The following LRRC56 variants were observed in gnomAD, a reference collection of about 807,000 sequenced individuals.
LRRC56 encodes the protein leucine rich repeat containing 56.
In LRRC56, 41 loss-of-function variants were observed where a neutral mutation model predicts 47.8. The observed-to-expected ratio is 0.86, with a 90% CI of 0.67 to 1.11. The LOEUF is 1.11. LRRC56 is among the 50% of genes most tolerant of loss of function. The pLI is 0.00. For synonymous variants in LRRC56, 387 were observed against 311.2 expected, an observed-to-expected ratio of 1.24 and a Z score of -2.56; for missense variants, 759 against 704.2, an observed-to-expected ratio of 1.08 and a Z score of -0.88.
chr11:525,062 C>T, the LRRC56 span, among the ~76,000 whole-genome samples: 1 of 148,908 alleles, frequency 6.7e-6, no homozygotes. Context: ...CACCGCTGCA[C>T]TCCAGCCTGG....
At chr11:532,503 C>T in the LRRC56 span, 1 of 1,255,308 alleles carries the variant, frequency 8.0e-7, no homozygotes, top group Non-Finnish European at 1.1e-6. Flanking sequence ...CATCCGGCAC[C>T]TCCATGTCCT....
At chr11:533,599 G>T (rs1057517913), upstream of LRRC56, 2 of 1,613,834 alleles carry the variant, frequency 1.2e-6, no homozygotes, top group African/African-American at 2.7e-5. Flanking sequence ...TCCTTCACCC[G>T]TTTGATCTGC....
chr11:506,639 T>G, the LRRC56 span: 1 of 152,302 alleles, frequency 6.6e-6, no homozygotes, highest in Admixed American at 6.5e-5. Flanking sequence ...GTGGGAGCCG[T>G]TCGAGTCTTC....
the LRRC56 span, among the ~76,000 whole-genome samples, chr11:513,588 GT>G: frequency 5.3e-5 from 8 of 152,152 alleles, no homozygotes; most frequent in Non-Finnish European, 1.0e-4. Context: ...GGATTTTCCA[GT>G]TGTGAGAGAA....
chr11:534,957 C>T (rs913965389), upstream of LRRC56, among the ~76,000 whole-genome samples: 2 of 152,250 alleles, frequency 1.3e-5, no homozygotes, highest in Non-Finnish European at 2.9e-5. Flanking sequence ...GAAGCAGGGA[C>T]TGAGCGACAG....
intron 6 of LRRC56, among the ~76,000 whole-genome samples, chr11:545,645 C>A (rs919934160): frequency 1.3e-5 from 2 of 152,202 alleles, no homozygotes; most frequent in Non-Finnish European, 2.9e-5. Context: ...AGCTCCGTGC[C>A]CCACAGCAAC....
chr11:518,902 C>A, the LRRC56 span, among the ~76,000 whole-genome samples: 2 of 150,482 alleles, frequency 1.3e-5, no homozygotes, highest in Non-Finnish European at 3.0e-5. Context: ...GGGACCGGGG[C>A]GGGGGGGCGT....
chr11:552,582 A>T lies in LRRC56; in HGVS notation c.1195A>T (p.Arg399Trp). ...REHGVRPLPY[R>W]HPESQQEGAV... is the part of the protein sequence containing the mutation. ...TCCCCACCCTAGCCCCCTCCCCTAT[A>T]GGCACCCGGAGTCCCAACAGGAAGG... The change falls in exon 13 of 14, where the codon AGG (arginine) becomes TGG (tryptophan). Residue 399 changes from arginine to tryptophan, a missense_variant. By Grantham distance (101) the Arg-to-Trp change is moderately radical. Coordinates refer to ENST00000270115, the MANE Select transcript of LRRC56 (RefSeq NM_198075.4). The T allele has an allele frequency of 6.2e-7, 1 of 1,604,694 alleles. No individual in the cohort carries two copies. Among genetic ancestry groups the T allele is most frequent in the Non-Finnish European group, 8.5e-7 (1 of 1,175,982 alleles).
At chr11:544,801 G>T in intron 6 of LRRC56, 21 bp downstream of exon 6, 1 of 1,610,412 alleles carries the variant, frequency 6.2e-7, no homozygotes, top group Non-Finnish European at 8.5e-7. Flanking sequence ...GAGGGGGGTG[G>T]GCTGGGGCCC....
At chr11:531,621 G>C in the LRRC56 span, among the ~76,000 whole-genome samples, 1 of 152,172 alleles carries the variant, frequency 6.6e-6, no homozygotes, top group Non-Finnish European at 1.5e-5. Flanking sequence ...GGGAGAGTGG[G>C]GCAGGAGCAG....
chr11:521,810 A>G, the LRRC56 span, among the ~76,000 whole-genome samples: 7 of 151,734 alleles, frequency 4.6e-5, no homozygotes, highest in South Asian at 2.1e-4. Context: ...AGCTACTCGG[A>G]AGGCTGAGGC....
intron 2 of LRRC56, 78 bp downstream of exon 2, chr11:538,938 C>G (rs1309088482): frequency 1.3e-5 from 2 of 152,510 alleles, no homozygotes; most frequent in African/African-American, 4.8e-5. Context: ...GGAGTGCAGT[C>G]AGGGGATCAG....
chr11:518,753 C>A, the LRRC56 span, among the ~76,000 whole-genome samples: 5 of 152,200 alleles, frequency 3.3e-5, no homozygotes, highest in Admixed American at 1.3e-4. Flanking sequence ...AGGAGCCGGC[C>A]CCGGGCTGCC....
At chr11:508,449 A>G in the LRRC56 span, among the ~76,000 whole-genome samples, 2 of 152,332 alleles carry the variant, frequency 1.3e-5, no homozygotes, top group African/African-American at 4.8e-5. Context: ...ATAAGCCACT[A>G]CACCCGGCCT....
the LRRC56 span, among the ~76,000 whole-genome samples, chr11:521,125 T>G: frequency 1.3e-5 from 2 of 152,094 alleles, no homozygotes; most frequent in Non-Finnish European, 2.9e-5. Context: ...CAGCGGTGGC[T>G]CTCAGAATTT....
the LRRC56 span, among the ~76,000 whole-genome samples, chr11:515,592 C>A: frequency 6.6e-6 from 1 of 152,208 alleles, no homozygotes; most frequent in Admixed American, 6.5e-5. Flanking sequence ...AATCCTGGCA[C>A]TTTGAGAGGC....
chr11:534,346 G>A (rs772063610), upstream of LRRC56: 15 of 1,583,082 alleles, frequency 9.5e-6, no homozygotes, highest in Non-Finnish European at 1.2e-5. Flanking sequence ...CCTGCGGCCC[G>A]GGGTCCTCCT....
chr11:544,881 T>C, intron 6 of LRRC56, 101 bp downstream of exon 6: 1 of 1,128,190 alleles, frequency 8.9e-7, no homozygotes, highest in Non-Finnish European at 1.3e-6. Flanking sequence ...GTGGGGGGAC[T>C]TGGGCTGGGA....
upstream of LRRC56, among the ~76,000 whole-genome samples, chr11:535,968 C>T (rs1851472759): frequency 2.6e-5 from 4 of 152,150 alleles, no homozygotes; most frequent in South Asian, 2.1e-4. Context: ...CCCGGGGCTA[C>T]GGGCTGGGGA....
Sources: allele counts gnomAD v4.1 joint callset (sites outside exome capture counted in the v4.1 genomes callset), GRCh38; gene constraint gnomAD v4.1.1; transcripts MANE v1.5; gene names NCBI Gene and HGNC (gene_info 2026-07-23, HGNC 2026-07-21).